The following SORCS1 variants were observed in gnomAD, a reference collection of about 807,000 sequenced individuals.
The protein encoded by SORCS1 is VPS10 domain-containing receptor SorCS1.
A neutral mutation model predicts 146.1 loss-of-function variants in SORCS1; 60 were observed. The ratio of observed to expected loss-of-function variants is 0.41; its 90% CI spans 0.33 to 0.51. The LOEUF (loss-of-function observed/expected upper bound fraction) is 0.51, where lower values mean the gene tolerates loss of function less well. Ranked by LOEUF, SORCS1 falls within the 20% of genes least tolerant of loss-of-function variation. The pLI, the probability that SORCS1 is intolerant of heterozygous loss-of-function variation, is 0.21. For synonymous variants in SORCS1, 637 were observed against 584.0 expected, an observed-to-expected ratio of 1.09 and a Z score of -1.31; for missense variants, 1,352 against 1,487.6, an observed-to-expected ratio of 0.91 and a Z score of 1.50.
intron 1 of SORCS1, among the ~76,000 whole-genome samples, chr10:107,049,643 T>C (rs1959920622): frequency 6.6e-6 from 1 of 152,204 alleles, no homozygotes; most frequent in African/African-American, 2.4e-5. Flanking sequence ...AGTTTGTCTT[T>C]AATGTATTAT....
chr10:106,939,462 CA>C (rs1235647200), intron 2 of SORCS1, among the ~76,000 whole-genome samples: 2 of 152,176 alleles, frequency 1.3e-5, no homozygotes. Context: ...AAATTCCTTT[CA>C]AAAGTCTTTT....
At chr10:106,950,032 C>A (rs1038873847) in intron 2 of SORCS1, among the ~76,000 whole-genome samples, 1 of 152,228 alleles carries the variant, frequency 6.6e-6, no homozygotes, top group Non-Finnish European at 1.5e-5. Context: ...TTAAGCTTAT[C>A]TTGTACCAAT....
At chr10:107,154,008 C>CTTTTTTT (rs71025579) in intron 1 of SORCS1, among the ~76,000 whole-genome samples, 67 of 94,034 alleles carry the variant, frequency 7.1e-4, no homozygotes, top group African/African-American at 1.6e-3. Context: ...CTTTTCTTTT[C>CTTTTTTT]TTTTTTTTTT....
intron 1 of SORCS1, among the ~76,000 whole-genome samples, chr10:107,143,669 A>T (rs373453029): frequency 1.3e-4 from 19 of 151,526 alleles, no homozygotes; most frequent in African/African-American, 4.1e-4. Context: ...ACACCAGGCT[A>T]TTTTTTCTGT....
intron 1 of SORCS1, among the ~76,000 whole-genome samples, chr10:107,129,828 G>A (rs1030898391): frequency 7.2e-5 from 11 of 151,984 alleles, no homozygotes; most frequent in African/African-American, 2.4e-4. Context: ...TCACTCTATT[G>A]CTATTGCTGG....
At chr10:106,637,620 T>C (rs1848805993) in intron 18 of SORCS1, among the ~76,000 whole-genome samples, 2 of 152,202 alleles carry the variant, frequency 1.3e-5, no homozygotes, top group Non-Finnish European at 2.9e-5. Context: ...TTTTACAATT[T>C]TTCTAGAGAA....
chr10:106,835,722 G>C lies in SORCS1; in HGVS notation c.627-6049C>G, dbSNP rs574738533. ...ACCATTATGCTTAAAAATCCTAACA[G>C]AAGCCGGGTGTGATGGCTCATGTCT... On this transcript the variant is annotated intron_variant, in intron 2 of 25. Coordinates refer to ENST00000263054, the MANE Select transcript of SORCS1 (RefSeq NM_052918.5). Among the ~76,000 whole-genome samples the C allele has an allele frequency of 2.6e-5, 4 of 152,132 alleles. No homozygotes were observed. In the East Asian group the frequency reaches 7.7e-4, roughly 29 times the overall value.
chr10:106,911,525 G>C (rs975250208), intron 2 of SORCS1, among the ~76,000 whole-genome samples: 8 of 151,950 alleles, frequency 5.3e-5, no homozygotes, highest in Non-Finnish European at 1.0e-4. Context: ...CAGTACCAGA[G>C]AACCAGGATC....
Position 106,576,897 on chromosome 10 carries a change from C to T in SORCS1, c.*523G>A, listed in dbSNP as rs181195782. On this transcript the variant is annotated 3_prime_UTR_variant, in exon 26 of 26. Coordinates refer to ENST00000263054, the MANE Select transcript of SORCS1 (RefSeq NM_052918.5). ...ATAAATCTAGAGCCAAGAATATTTC[C>T]AAAAATACATGCAGATTTCCTTGGC... 23 of 190,138 alleles carry T rather than the reference C, an allele frequency of 1.2e-4. No homozygotes were observed. In the East Asian group the frequency reaches 2.1e-3, roughly 17 times the overall value. 11.8% of individuals were successfully genotyped at this position (190,138 alleles called of 1,614,324 possible).
At chr10:106,838,424 A>T (rs543815812) in intron 2 of SORCS1, among the ~76,000 whole-genome samples, 2 of 152,318 alleles carry the variant, frequency 1.3e-5, no homozygotes, top group Admixed American at 1.3e-4. Context: ...CAAAGAACCT[A>T]TAACGAAGGA....
chr10:106,835,308 T>A (rs901481380), intron 2 of SORCS1, among the ~76,000 whole-genome samples: 2 of 152,226 alleles, frequency 1.3e-5, no homozygotes, highest in African/African-American at 4.8e-5. Flanking sequence ...ATCATTGTAA[T>A]CTAAATTAAC....
At chr10:107,013,216 T>C (rs1398377007) in intron 1 of SORCS1, among the ~76,000 whole-genome samples, 1 of 152,096 alleles carries the variant, frequency 6.6e-6, no homozygotes, top group Non-Finnish European at 1.5e-5. Flanking sequence ...GCCTTAAGTA[T>C]GTTTGGAAGA....
intron 2 of SORCS1, among the ~76,000 whole-genome samples, chr10:106,900,973 T>A (rs974787070): frequency 1.3e-5 from 2 of 152,200 alleles, no homozygotes; most frequent in South Asian, 4.1e-4. Context: ...TGTGTGCTTT[T>A]TTCCCACTAA....
intron 1 of SORCS1, among the ~76,000 whole-genome samples, chr10:107,080,632 A>C (rs557852285): frequency 6.6e-6 from 1 of 152,348 alleles, no homozygotes; most frequent in South Asian, 2.1e-4. Context: ...CGACACAATA[A>C]GAAAGTATTG....
chr10:106,972,042 GT>G (rs967162417), intron 1 of SORCS1, among the ~76,000 whole-genome samples: 1 of 152,086 alleles, frequency 6.6e-6, no homozygotes, highest in African/African-American at 2.4e-5. Context: ...CATTTAACCT[GT>G]TTTTATTATT....
intron 5 of SORCS1, among the ~76,000 whole-genome samples, chr10:106,741,943 C>T (rs866608708): frequency 6.6e-6 from 1 of 152,158 alleles, no homozygotes; most frequent in Non-Finnish European, 1.5e-5. Flanking sequence ...TCCTTGTAGT[C>T]GCTTTTCCAT....
At chr10:106,901,115 C>T (rs1202359524) in intron 2 of SORCS1, among the ~76,000 whole-genome samples, 3 of 152,148 alleles carry the variant, frequency 2.0e-5, no homozygotes. Context: ...CTGAGCCTGG[C>T]AACTCAGTAG....
intron 3 of SORCS1, among the ~76,000 whole-genome samples, chr10:106,824,383 A>G (rs1409686036): frequency 6.6e-6 from 1 of 151,640 alleles, no homozygotes; most frequent in Non-Finnish European, 1.5e-5. Flanking sequence ...TGAGGTCAGG[A>G]GTTCAAGACC....
At chr10:106,606,827 G>A (rs1030280919) in intron 23 of SORCS1, among the ~76,000 whole-genome samples, 6 of 152,098 alleles carry the variant, frequency 3.9e-5, no homozygotes, top group African/African-American at 1.4e-4. Context: ...TTTTATATGG[G>A]GCTTTCCCTG....
Sources: allele counts gnomAD v4.1 joint callset (sites outside exome capture counted in the v4.1 genomes callset), GRCh38; gene constraint gnomAD v4.1.1; transcripts MANE v1.5; gene names NCBI Gene and HGNC (gene_info 2026-07-23, HGNC 2026-07-21).